ATP8B1: variants seen among roughly 807,000 people sequenced by gnomAD.
ATP8B1 encodes ATPase phospholipid transporting 8B1.
A neutral mutation model predicts 149.9 loss-of-function variants in ATP8B1; 80 were observed. The observed-to-expected ratio is 0.53, with a 90% confidence interval of 0.45 to 0.64. The LOEUF is 0.64. ATP8B1 is among the 30% of genes least tolerant of loss of function. The pLI, the probability that ATP8B1 is intolerant of heterozygous loss-of-function variation, is 0.00. For missense variants in ATP8B1, 1,247 were observed against 1,552.6 expected (o/e 0.80, Z 3.31); for synonymous variants, 536 against 562.8 (o/e 0.95, Z 0.67).
At chr18:57,788,460 C>T (rs1207684518) in intron 1 of ATP8B1, among the ~76,000 whole-genome samples, 7 of 151,466 alleles carry the variant, frequency 4.6e-5, no homozygotes. Flanking sequence ...GAGGCTGGGG[C>T]ATGAGAATCG....
At chr18:57,680,650 C>G (rs1030218266) in intron 15 of ATP8B1, among the ~76,000 whole-genome samples, 3 of 151,620 alleles carry the variant, frequency 2.0e-5, no homozygotes, top group African/African-American at 7.3e-5. Flanking sequence ...AAAAACAAGC[C>G]CTAGCTCTCA....
intron 1 of ATP8B1, among the ~76,000 whole-genome samples, chr18:57,799,536 C>T (rs2080551639): frequency 6.6e-6 from 1 of 151,864 alleles, no homozygotes; most frequent in East Asian, 1.9e-4. Flanking sequence ...ATGGTGAAAC[C>T]CGTCTCTACT....
At chr18:57,752,223 A>AATAATAATAATAATAAT (rs781007220) in intron 1 of ATP8B1, among the ~76,000 whole-genome samples, 1 of 119,442 alleles carries the variant, frequency 8.4e-6, no homozygotes, top group African/African-American at 3.5e-5. Flanking sequence ...TAATAATAAT[A>AATAATAATAATAATAAT]ATGATAATAA....
chr18:57,749,768 A>G lies in ATP8B1; in HGVS notation c.-25-17936T>C, dbSNP rs1411907501. 2.6e-5 allele frequency among the ~76,000 whole-genome samples: 4 copies of G among 152,216 alleles called. No individual in the cohort carries two copies. The South Asian group carries it at 8.3e-4, about 31-fold the overall frequency. On this transcript the variant is annotated intron_variant, in intron 1 of 27. Coordinates refer to ENST00000648908, the MANE Select transcript of ATP8B1 (RefSeq NM_001374385.1). Reference sequence around the variant, plus strand: ...TTCCCACCCCATCTCCACTCTTGTGAGCAAACCTTCAGCTGTCCATCAATA... The same window carrying G: ...TTCCCACCCCATCTCCACTCTTGTGGGCAAACCTTCAGCTGTCCATCAATA...
At chr18:57,699,016 GTGTT>G (rs1912976818) in intron 6 of ATP8B1, among the ~76,000 whole-genome samples, 1 of 152,306 alleles carries the variant, frequency 6.6e-6, no homozygotes, top group South Asian at 2.1e-4. Context: ...TACTCCATAA[GTGTT>G]TGTTAAATTA....
chr18:57,723,277 G>A (rs2079667578), intron 2 of ATP8B1, among the ~76,000 whole-genome samples: 1 of 137,692 alleles, frequency 7.3e-6, no homozygotes. Context: ...GGAAATAAAG[G>A]GTATTCAGTT....
Position 57,719,532 on chromosome 18 carries a change from G to A in ATP8B1, c.181+12095C>T, listed in dbSNP as rs984203089. 2.0e-5 allele frequency among the ~76,000 whole-genome samples: 3 copies of A among 152,308 alleles called. No individual in the cohort carries two copies. The South Asian group carries it at 6.2e-4, about 32-fold the overall frequency. ...CTGGAAAATCGGGTCACTCCCACCC[G>A]AATATTGCGCTTTTCAGACCGGCTT... On this transcript the variant is annotated intron_variant, in intron 2 of 27. Coordinates refer to ENST00000648908, the MANE Select transcript of ATP8B1 (RefSeq NM_001374385.1).
At chr18:57,725,298 A>T (rs1250854840) in intron 2 of ATP8B1, among the ~76,000 whole-genome samples, 1 of 152,144 alleles carries the variant, frequency 6.6e-6, no homozygotes, top group East Asian at 1.9e-4. Flanking sequence ...GCTATGAATA[A>T]AATAGCTAAG....
At chr18:57,750,116 GC>G (rs2080002123) in intron 1 of ATP8B1, among the ~76,000 whole-genome samples, 1 of 152,140 alleles carries the variant, frequency 6.6e-6, no homozygotes, top group Non-Finnish European at 1.5e-5. Flanking sequence ...GGTGGCGTGA[GC>G]CTGTAATCCC....
In ATP8B1 at chr18:57,772,731, G is replaced by A. The variant is rs74878979; in HGVS notation, c.-26+30267C>T. Among the ~76,000 whole-genome samples, 621 of 152,162 alleles carry A rather than the reference G, an allele frequency of 4.1e-3. 6 individuals are homozygous for A. The highest frequency in any genetic ancestry group is 0.014 in the African/African-American group (599 of 41,498). On this transcript the variant is annotated intron_variant, in intron 1 of 27. Coordinates refer to ENST00000648908, the MANE Select transcript of ATP8B1 (RefSeq NM_001374385.1). Reference sequence around the variant, plus strand: ...AAGGTAAGGCAGACCCTAGGAATTCGGCGCACAGAAGCCTCTCTGCTGTGA... The same window carrying A: ...AAGGTAAGGCAGACCCTAGGAATTCAGCGCACAGAAGCCTCTCTGCTGTGA...
At position 57,646,602 on chromosome 18, in the gene ATP8B1, A is replaced by G. The variant is rs1034390534; in HGVS notation, c.*1886T>C. On this transcript the variant is annotated 3_prime_UTR_variant, in exon 28 of 28. Transcript: ENST00000648908. The stretch of plus-strand genomic sequence containing the variant: ...TGTCTTTGACACATTTGCATTGTCA[A>G]TCTTTCCCACAATTTGCAAAAACAG... The G allele has an allele frequency of 4.6e-5, 7 of 152,660 alleles. No homozygotes were observed. The highest frequency in any genetic ancestry group is 1.2e-4 in the African/African-American group (5 of 41,456). 9.5% of individuals were successfully genotyped at this position (152,660 alleles called of 1,614,324 possible).
rs1451044341 is a variant in ATP8B1, at chr18:57,695,243, C to T, written c.868G>A (p.Ala290Thr). The change falls in exon 10 of 28, where the codon GCT becomes ACT. Residue 290 changes from alanine (A) to threonine (T), a missense_variant. Coordinates refer to ENST00000648908, the MANE Select transcript of ATP8B1 (RefSeq NM_001374385.1). Reference protein sequence around the residue: ...FWRNTSFPLDADKILLRGCVI... With the variant: ...FWRNTSFPLDTDKILLRGCVI... ...CAGCCACGTAACAAAATTTTATCAG[C>T]ATCCAAAGGAAAACTTGTGTTTCTC... 2.5e-6 allele frequency: 4 copies of T among 1,613,964 alleles called. No individual in the cohort carries two copies. The highest frequency in any genetic ancestry group is 3.4e-6 in the Non-Finnish European group (4 of 1,179,990).
intron 15 of ATP8B1, among the ~76,000 whole-genome samples, chr18:57,681,864 T>C (rs915066768): frequency 7.7e-6 from 1 of 130,468 alleles, no homozygotes; most frequent in Non-Finnish European, 1.6e-5. Context: ...CCTTTCCTGG[T>C]ACTTTATGGT....
chr18:57,663,279 G>T (rs1445892899), intron 20 of ATP8B1, among the ~76,000 whole-genome samples: 1 of 152,058 alleles, frequency 6.6e-6, no homozygotes, highest in Non-Finnish European at 1.5e-5. Context: ...CCTTTTTAAA[G>T]TTGAATATAT....
chr18:57,764,757 C>CA (rs71171091), intron 1 of ATP8B1, among the ~76,000 whole-genome samples: 2,163 of 104,032 alleles, frequency 0.021, 48 homozygotes, highest in Admixed American at 0.066. Context: ...TTTCAGTTGT[C>CA]AAAAAAAAAA....
intron 2 of ATP8B1, among the ~76,000 whole-genome samples, chr18:57,722,427 T>A (rs1459368872): frequency 7.4e-6 from 1 of 135,660 alleles, no homozygotes; most frequent in Non-Finnish European, 1.6e-5. Flanking sequence ...TCACCACCGA[T>A]CCCACAGAAA....
chr18:57,781,842 A>G, intron 1 of ATP8B1, among the ~76,000 whole-genome samples: 1 of 152,318 alleles, frequency 6.6e-6, no homozygotes, highest in East Asian at 1.9e-4. Context: ...TTAATTAGCC[A>G]GGCATAGTGG....
intron 8 of ATP8B1, among the ~76,000 whole-genome samples, chr18:57,696,544 C>T (rs1035178770): frequency 4.7e-3 from 190 of 40,546 alleles, no homozygotes; most frequent in Non-Finnish European, 7.6e-3. Flanking sequence ...TATTTTTTTC[C>T]GCCAAAAAAA....
intron 1 of ATP8B1, among the ~76,000 whole-genome samples, chr18:57,743,500 G>A (rs922500407): frequency 6.6e-6 from 1 of 152,190 alleles, no homozygotes; most frequent in Non-Finnish European, 1.5e-5. Flanking sequence ...AATGTATGCC[G>A]CTGAAGAGTG....
Sources: gnomAD v4.1 joint callset for allele counts (sites outside exome capture counted in the v4.1 genomes callset) on GRCh38, gnomAD v4.1.1 for gene constraint, MANE v1.5 for transcripts, NCBI Gene and HGNC (gene_info 2026-07-23, HGNC 2026-07-21) for gene names.